The following STPG2 variants were observed in gnomAD, a reference collection of about 807,000 sequenced individuals.
The protein encoded by STPG2 is sperm tail PG-rich repeat containing 2, also known as sperm-tail PG-rich repeat-containing protein 2.
Under a neutral mutation model 54.2 loss-of-function variants are expected in STPG2, and 56 were observed. The observed-to-expected ratio is 1.03, with a 90% CI of 0.83 to 1.29. STPG2 has a LOEUF of 1.29. Ranked by LOEUF, STPG2 falls within the 50% of genes most tolerant of loss-of-function variation. The probability of loss-of-function intolerance (pLI) is 0.00; values close to 1 mark genes in which losing one functional copy is unlikely to be tolerated. For synonymous variants in STPG2, 200 were observed against 181.8 expected (o/e 1.10, Z -0.81); for missense variants, 596 against 544.9 (o/e 1.09, Z -0.93).
rs142459816 is a variant in STPG2, at chr4:97,744,468, T to A, written c.1205-31654A>T. On this transcript the variant is annotated intron_variant, in intron 9 of 10. Coordinates refer to ENST00000295268, the MANE Select transcript of STPG2 (RefSeq NM_174952.3). ...AAGGTGTTTAATTCTATTAAACATT[T>A]GGCAATATAATTTTTTATTTTTAAT... Among the ~76,000 whole-genome samples the A allele has an allele frequency of 2.1e-3, 324 of 151,418 alleles. 2 individuals are homozygous for A. Among genetic ancestry groups the A allele is most frequent in the African/African-American group, 7.5e-3 (310 of 41,482 alleles).
intron 5 of STPG2, among the ~76,000 whole-genome samples, chr4:98,053,047 T>C (rs1453292356): frequency 4.6e-5 from 7 of 152,142 alleles, no homozygotes; most frequent in African/African-American, 1.7e-4. Context: ...GATGAAACAT[T>C]AGAAAACAGT....
intron 5 of STPG2, among the ~76,000 whole-genome samples, chr4:98,007,917 A>G (rs1046505783): frequency 1.3e-5 from 2 of 152,118 alleles, no homozygotes; most frequent in African/African-American, 4.8e-5. Context: ...AGACAAAAAT[A>G]AAAACAATAA....
At chr4:97,899,379 T>A (rs757834975) in intron 8 of STPG2, among the ~76,000 whole-genome samples, 6 of 152,012 alleles carry the variant, frequency 3.9e-5, no homozygotes, top group Non-Finnish European at 5.9e-5. Context: ...ATCAATATCA[T>A]TAAAATGGCC....
chr4:97,640,761 T>C (rs953552144), intron 10 of STPG2, among the ~76,000 whole-genome samples: 19 of 151,600 alleles, frequency 1.3e-4, no homozygotes, highest in Non-Finnish European at 2.4e-4. Context: ...AACTTTCATA[T>C]TGAAAATTAA....
intron 9 of STPG2, among the ~76,000 whole-genome samples, chr4:97,719,367 T>A (rs1218260423): frequency 6.6e-6 from 1 of 151,936 alleles, no homozygotes; most frequent in African/African-American, 2.4e-5. Context: ...ATATTTTATG[T>A]TGTTCATGGA....
At chr4:97,858,157 C>A (rs1165143007) in intron 8 of STPG2, among the ~76,000 whole-genome samples, 1 of 151,946 alleles carries the variant, frequency 6.6e-6, no homozygotes, top group Non-Finnish European at 1.5e-5. Flanking sequence ...GAGAACTTTC[C>A]AAATCTAGAG....
chr4:98,105,866 G>A, intron 5 of STPG2, 87 bp downstream of exon 5: 4 of 1,172,204 alleles, frequency 3.4e-6, no homozygotes, highest in Non-Finnish European at 4.8e-6. Context: ...AGGCACATTA[G>A]ATCAAAGAGC....
intron 7 of STPG2, among the ~76,000 whole-genome samples, chr4:97,955,541 C>T (rs946569026): frequency 2.2e-4 from 33 of 151,974 alleles, no homozygotes; most frequent in South Asian, 8.3e-4. Context: ...TAAGAGTGTT[C>T]GAGGCATGGT....
At position 97,744,990 on chromosome 4, in the gene STPG2, A is replaced by G. The variant is rs1578528184; in HGVS notation, c.1205-32176T>C. 2.6e-5 allele frequency among the ~76,000 whole-genome samples: 4 copies of G among 151,462 alleles called. No homozygotes were observed. In the South Asian group the frequency reaches 8.3e-4, roughly 31 times the overall value. On this transcript the variant is annotated intron_variant, in intron 9 of 10. Transcript: ENST00000295268. ...GCAATGCTTTAAAAAGTGTTACTCC[A>G]GTTACTAATGAGATGTTCATTTTTC...
In STPG2 at chr4:97,688,675, A is replaced by G. The variant is rs113446387; in HGVS notation, c.1320+24024T>C. Among the ~76,000 whole-genome samples the G allele has an allele frequency of 3.0e-4, 45 of 152,312 alleles. No individual in the cohort carries two copies. The East Asian group carries it at 7.9e-3, about 27-fold the overall frequency. On this transcript the variant is annotated intron_variant, in intron 10 of 10. Transcript: ENST00000295268. ...GTCCAATAGGTATCAGATTATGTCA[A>G]AAGTTCAGGTCACATGTTTCTCTGA... is the stretch of plus-strand genomic sequence containing the variant.
chr4:97,875,934 A>T (rs1021180737), intron 8 of STPG2, among the ~76,000 whole-genome samples: 4 of 152,066 alleles, frequency 2.6e-5, no homozygotes, highest in African/African-American at 9.6e-5. Context: ...TGAAAAAAAT[A>T]TAAAACCAAC....
intron 4 of STPG2, among the ~76,000 whole-genome samples, chr4:97,488,014 T>A (rs892247979): frequency 6.6e-6 from 1 of 151,572 alleles, no homozygotes; most frequent in Non-Finnish European, 1.5e-5. Flanking sequence ...TAGAAAAAGA[T>A]ATACAATTCC....
At chr4:97,560,721 A>G (rs1267735758) in intron 10 of STPG2, among the ~76,000 whole-genome samples, 1 of 152,124 alleles carries the variant, frequency 6.6e-6, no homozygotes, top group Admixed American at 6.6e-5. Flanking sequence ...AGCATGGAAC[A>G]TTTGTTTCGA....
At chr4:97,865,044 T>C (rs1000381822) in intron 8 of STPG2, among the ~76,000 whole-genome samples, 3 of 152,162 alleles carry the variant, frequency 2.0e-5, no homozygotes, top group Non-Finnish European at 4.4e-5. Flanking sequence ...AAGGACTTCA[T>C]GTCTAAAACA....
At chr4:97,575,224 G>T (rs537125783) in intron 10 of STPG2, among the ~76,000 whole-genome samples, 2 of 151,996 alleles carry the variant, frequency 1.3e-5, no homozygotes, top group Non-Finnish European at 1.5e-5. Flanking sequence ...AGAAGAACTG[G>T]TACCAATTCT....
At chr4:97,527,339 C>T (rs1436155837) in intron 4 of STPG2, among the ~76,000 whole-genome samples, 1 of 152,020 alleles carries the variant, frequency 6.6e-6, no homozygotes, top group African/African-American at 2.4e-5. Flanking sequence ...TCATCCTTTT[C>T]TTATACCTGC....
intron 10 of STPG2, among the ~76,000 whole-genome samples, chr4:97,568,062 C>T (rs2148881325): frequency 6.6e-6 from 1 of 152,184 alleles, no homozygotes; most frequent in Non-Finnish European, 1.5e-5. Flanking sequence ...TGGATGCAAA[C>T]AGTGACAAAT....
chr4:98,006,381 G>A (rs11097592), intron 5 of STPG2, among the ~76,000 whole-genome samples: 41,662 of 152,146 alleles, frequency 0.27, 5,990 homozygotes, highest in Middle Eastern at 0.36. Context: ...AGGAGAGGCT[G>A]TGAGAAGTAA....
chr4:97,649,367 C>A (rs1028711278), intron 10 of STPG2, among the ~76,000 whole-genome samples: 1 of 152,100 alleles, frequency 6.6e-6, no homozygotes, highest in Non-Finnish European at 1.5e-5. Context: ...TGAAACATTT[C>A]TTTCTCTTTA....
Sources: allele counts gnomAD v4.1 joint callset (sites outside exome capture counted in the v4.1 genomes callset), GRCh38; gene constraint gnomAD v4.1.1; transcripts MANE v1.5; gene names NCBI Gene and HGNC (gene_info 2026-07-23, HGNC 2026-07-21).